SPAG16: variants seen among roughly 807,000 people sequenced by gnomAD.
SPAG16 encodes the protein sperm associated antigen 16.
In SPAG16, 86 loss-of-function variants were observed where a neutral mutation model predicts 80.4. The observed-to-expected ratio is 1.07, with a 90% CI of 0.90 to 1.28. SPAG16 has a LOEUF of 1.28. Ranked by LOEUF, SPAG16 falls within the 50% of genes most tolerant of loss-of-function variation. The pLI is 0.00. For missense variants in SPAG16, 870 were observed against 765.3 expected, an observed-to-expected ratio of 1.14 and a Z score of -1.61; for synonymous variants, 294 against 265.9, an observed-to-expected ratio of 1.11 and a Z score of -1.03.
chr2:213,898,858 T>C (rs564640577), intron 11 of SPAG16, among the ~76,000 whole-genome samples: 2 of 152,230 alleles, frequency 1.3e-5, no homozygotes, highest in South Asian at 4.1e-4. Flanking sequence ...CAATAGAAAT[T>C]CAACCTGAAT....
At chr2:213,851,189 G>A (rs1459590951) in intron 10 of SPAG16, among the ~76,000 whole-genome samples, 2 of 152,108 alleles carry the variant, frequency 1.3e-5, no homozygotes, top group East Asian at 3.8e-4. Flanking sequence ...GAATTGATAC[G>A]ATGTTTAAAA....
intron 13 of SPAG16, among the ~76,000 whole-genome samples, chr2:214,039,235 C>T (rs886624412): frequency 3.9e-5 from 6 of 152,200 alleles, no homozygotes; most frequent in African/African-American, 1.4e-4. Flanking sequence ...GATCGCCATT[C>T]TAACTGGTGT....
chr2:213,650,376 ATAGACT>A (rs1463356948), intron 10 of SPAG16, among the ~76,000 whole-genome samples: 1 of 152,222 alleles, frequency 6.6e-6, no homozygotes, highest in East Asian at 1.9e-4. Context: ...ATAACTGAAC[ATAGACT>A]TAGTCTTCAT....
intron 10 of SPAG16, among the ~76,000 whole-genome samples, chr2:213,575,998 C>T (rs1353916235): frequency 6.6e-6 from 1 of 152,130 alleles, no homozygotes; most frequent in African/African-American, 2.4e-5. Context: ...AAAAAAGCAA[C>T]ACAAGATTGT....
At chr2:213,743,254 C>G (rs1230803790) in intron 10 of SPAG16, among the ~76,000 whole-genome samples, 1 of 152,168 alleles carries the variant, frequency 6.6e-6, no homozygotes, top group Non-Finnish European at 1.5e-5. Flanking sequence ...TCTCCTCTTC[C>G]AACTAAAATG....
At chr2:214,002,500 T>A (rs186796031) in intron 12 of SPAG16, among the ~76,000 whole-genome samples, 2 of 152,246 alleles carry the variant, frequency 1.3e-5, no homozygotes, top group East Asian at 3.9e-4. Context: ...ATCAGGGTTC[T>A]CCAGTGAAAC....
At chr2:213,447,752 G>A (rs1237628969) in intron 9 of SPAG16, among the ~76,000 whole-genome samples, 2 of 152,196 alleles carry the variant, frequency 1.3e-5, no homozygotes, top group African/African-American at 2.4e-5. Flanking sequence ...AACTTTGGAC[G>A]AATAATCAAA....
chr2:213,844,288 A>T (rs2125764406), intron 10 of SPAG16, among the ~76,000 whole-genome samples: 1 of 152,344 alleles, frequency 6.6e-6, no homozygotes, highest in East Asian at 1.9e-4. Flanking sequence ...ATTAACATTC[A>T]GAGATCAGAT....
chr2:213,329,317 G>C (rs2063984370), intron 5 of SPAG16, among the ~76,000 whole-genome samples: 2 of 152,198 alleles, frequency 1.3e-5, no homozygotes, highest in Admixed American at 6.5e-5. Context: ...CTAGAGACTT[G>C]TTGAATGGCG....
In SPAG16 at chr2:213,427,721, A is replaced by G. The variant is rs537954199; in HGVS notation, c.942+52602A>G. Among the ~76,000 whole-genome samples the G allele has an allele frequency of 1.1e-4, 16 of 152,344 alleles. No individual in the cohort carries two copies. The South Asian group carries it at 3.3e-3, about 32-fold the overall frequency. ...CAAAGACAGCAAGGACCAAGTTGCT[A>G]TTCTTCAGAAAGAGTTGATATATTA... On this transcript the variant is annotated intron_variant, in intron 9 of 15. Coordinates refer to ENST00000331683, the MANE Select transcript of SPAG16 (RefSeq NM_024532.5).
intron 15 of SPAG16, among the ~76,000 whole-genome samples, chr2:214,322,803 C>T (rs1391263382): frequency 6.6e-6 from 1 of 152,076 alleles, no homozygotes; most frequent in Non-Finnish European, 1.5e-5. Context: ...AAGCTATGCC[C>T]CCATAACCTT....
chr2:214,408,477 G>A (rs911913708), intron 15 of SPAG16, among the ~76,000 whole-genome samples: 1 of 152,156 alleles, frequency 6.6e-6, no homozygotes, highest in African/African-American at 2.4e-5. Context: ...GATCTTTGCT[G>A]TGTCAGGTTT....
At chr2:214,312,845 C>A (rs1695431083) in intron 15 of SPAG16, among the ~76,000 whole-genome samples, 1 of 152,108 alleles carries the variant, frequency 6.6e-6, no homozygotes, top group South Asian at 2.1e-4. Context: ...TCTGAATGGA[C>A]TTTCCCTTTC....
chr2:213,824,655 G>A (rs2073160383), intron 10 of SPAG16, among the ~76,000 whole-genome samples: 1 of 152,150 alleles, frequency 6.6e-6, no homozygotes, highest in African/African-American at 2.4e-5. Flanking sequence ...CTGTAGTATA[G>A]TTTGAAGTCA....
intron 11 of SPAG16, among the ~76,000 whole-genome samples, chr2:213,866,419 T>C (rs1024906842): frequency 2.0e-5 from 3 of 152,120 alleles, no homozygotes; most frequent in Non-Finnish European, 2.9e-5. Flanking sequence ...GCATGAAATA[T>C]ATAAATGATC....
chr2:213,916,334 C>A (rs1040148227), intron 11 of SPAG16, among the ~76,000 whole-genome samples: 2 of 152,182 alleles, frequency 1.3e-5, no homozygotes, highest in Non-Finnish European at 2.9e-5. Flanking sequence ...CTGCATATGG[C>A]TAGCCAGTTT....
chr2:213,868,453 G>A (rs778075990), intron 11 of SPAG16, among the ~76,000 whole-genome samples: 2 of 152,044 alleles, frequency 1.3e-5, no homozygotes, highest in Non-Finnish European at 2.9e-5. Flanking sequence ...AAAACACAGA[G>A]TTACATAATC....
intron 10 of SPAG16, among the ~76,000 whole-genome samples, chr2:213,576,755 A>G (rs2060140955): frequency 6.6e-6 from 1 of 152,028 alleles, no homozygotes; most frequent in Non-Finnish European, 1.5e-5. Context: ...TTCTCACTTA[A>G]TGGGAGAACT....
intron 10 of SPAG16, among the ~76,000 whole-genome samples, chr2:213,676,071 G>T (rs964535335): frequency 4.2e-4 from 63 of 151,106 alleles, no homozygotes; most frequent in African/African-American, 1.2e-3. Context: ...CTGAGCAGTG[G>T]TTTGTAGTTC....
Sources: gnomAD v4.1 joint callset for allele counts (sites outside exome capture counted in the v4.1 genomes callset) on GRCh38, gnomAD v4.1.1 for gene constraint, MANE v1.5 for transcripts, NCBI Gene and HGNC (gene_info 2026-07-23, HGNC 2026-07-21) for gene names.